Variants in CILK1 observed in about 807,000 individuals in gnomAD.
CILK1 encodes the protein ciliogenesis associated kinase 1, also known as serine/threonine-protein kinase ICK.
A neutral mutation model predicts 79.2 loss-of-function variants in CILK1; 47 were observed. That is an observed-to-expected ratio of 0.59 (90% CI 0.47 to 0.76). The LOEUF is 0.76. CILK1 is among the 30% of genes least tolerant of loss of function. CILK1 has a pLI of 0.00. For synonymous variants in CILK1, 266 were observed against 275.9 expected (o/e 0.96, Z 0.36); for missense variants, 660 against 769.5 (o/e 0.86, Z 1.68).
At chr6:53,039,100 C>T (rs1766540517) in intron 2 of CILK1, among the ~76,000 whole-genome samples, 1 of 152,238 alleles carries the variant, frequency 6.6e-6, no homozygotes, top group South Asian at 2.1e-4. Context: ...GTAGAGTGAT[C>T]AAATCCTTTA....
chr6:53,033,991 G>C (rs1766143206), intron 3 of CILK1, among the ~76,000 whole-genome samples: 1 of 152,230 alleles, frequency 6.6e-6, no homozygotes, highest in Non-Finnish European at 1.5e-5. Context: ...CAAAGGGGCT[G>C]ATTACTTCTT....
chr6:53,045,830 C>CA (rs200914621), intron 1 of CILK1, among the ~76,000 whole-genome samples: 7,615 of 119,876 alleles, frequency 0.064, 314 homozygotes, highest in East Asian at 0.21. Flanking sequence ...CTTGATTTGT[C>CA]AAAAAAAAAA....
At position 53,039,322 on chromosome 6, in the gene CILK1, A is replaced by G. The variant is rs75854121; in HGVS notation, c.102-1329T>C. On this transcript the variant is annotated intron_variant, in intron 2 of 13. Transcript: ENST00000676107. ...GAGCAGTGGCTCAGCCAAATGATGC[A>G]GCAATTTGTAGGTCACATAAACATT... Among the ~76,000 whole-genome samples the G allele has an allele frequency of 6.1e-3, 922 of 152,366 alleles. 9 individuals carry two copies. The highest frequency in any genetic ancestry group is 0.021 in the African/African-American group (880 of 41,592).
chr6:53,039,008 G>A (rs1208383657), intron 2 of CILK1, among the ~76,000 whole-genome samples: 1 of 152,192 alleles, frequency 6.6e-6, no homozygotes, highest in Non-Finnish European at 1.5e-5. Flanking sequence ...GAAGGTACAC[G>A]ACTTTCCCGA....
chr6:53,027,091 T>G (rs545774770), intron 5 of CILK1, among the ~76,000 whole-genome samples: 22 of 152,336 alleles, frequency 1.4e-4, no homozygotes, highest in African/African-American at 5.1e-4. Flanking sequence ...CTGTGGAAAC[T>G]TTAATTTCCC....
At position 53,005,307 on chromosome 6, in the gene CILK1, C is replaced by T. The variant is rs1317835800; in HGVS notation, c.1745-4G>A. The T allele has an allele frequency of 1.2e-6, 2 of 1,613,852 alleles. No individual in the cohort carries two copies. The highest frequency in any genetic ancestry group is 1.7e-6 in the Non-Finnish European group (2 of 1,179,964). On this transcript the variant is annotated splice_polypyrimidine_tract_variant and splice_region_variant and intron_variant, in intron 13 of 13. Coordinates refer to ENST00000676107, the MANE Select transcript of CILK1 (RefSeq NM_014920.5). ...ATGGCCTTCAGGGAGGAATAACCTGCAATGAAAGAAAAAGGCCGGCATGAC... is the reference window on the plus strand; with the variant it reads ...ATGGCCTTCAGGGAGGAATAACCTGTAATGAAAGAAAAAGGCCGGCATGAC...
chr6:53,002,493 A>G lies in CILK1; in HGVS notation c.*2656T>C, dbSNP rs1000134439. On this transcript the variant is annotated 3_prime_UTR_variant, in exon 14 of 14. Transcript: ENST00000676107. ...AAGTAGCATTTTGTTTTCATGTAAC[A>G]AGAAATGGCTGCAGGTTCTCAGTCA... The G allele has an allele frequency of 2.0e-5, 3 of 152,266 alleles. No individual in the cohort carries two copies. Among genetic ancestry groups the G allele is most frequent in the African/African-American group, 7.2e-5 (3 of 41,474 alleles). 9.4% of individuals were successfully genotyped at this position (152,266 alleles called of 1,614,324 possible).
chr6:53,023,539 C>T (rs959787886), intron 5 of CILK1, among the ~76,000 whole-genome samples: 2 of 152,128 alleles, frequency 1.3e-5, no homozygotes, highest in African/African-American at 4.8e-5. Flanking sequence ...ACAATGAGGG[C>T]TCAGAGCTGG....
chr6:53,028,008 G>A (rs1765686564), intron 5 of CILK1, among the ~76,000 whole-genome samples: 2 of 152,198 alleles, frequency 1.3e-5, no homozygotes, highest in African/African-American at 4.8e-5. Flanking sequence ...TTAGCCGGGT[G>A]TGGTGGCATG....
chr6:53,009,572 T>G lies in CILK1; in HGVS notation c.1493-5A>C. On this transcript the variant is annotated splice_region_variant and splice_polypyrimidine_tract_variant and intron_variant, in intron 11 of 13. Transcript: ENST00000676107. Reference sequence around the variant, plus strand: ...TGCCATTTCTTATACTGATCCCTGATAGAGAAGAAATGATTTTAAAATGCA... The same window carrying G: ...TGCCATTTCTTATACTGATCCCTGAGAGAGAAGAAATGATTTTAAAATGCA... The G allele has an allele frequency of 6.2e-7, 1 of 1,603,690 alleles. No individual in the cohort carries two copies.
At chr6:53,026,432 A>G (rs1765583428) in intron 5 of CILK1, among the ~76,000 whole-genome samples, 1 of 152,218 alleles carries the variant, frequency 6.6e-6, no homozygotes, top group Non-Finnish European at 1.5e-5. Context: ...TACAGGCATG[A>G]GCCACTGCGC....
At chr6:53,008,486 C>T (rs903493851) in intron 12 of CILK1, among the ~76,000 whole-genome samples, 2 of 150,894 alleles carry the variant, frequency 1.3e-5, no homozygotes, top group African/African-American at 2.4e-5. Context: ...AGTGCAGTGG[C>T]GCAATCTTGG....
intron 1 of CILK1, among the ~76,000 whole-genome samples, chr6:53,050,874 T>C (rs1468284404): frequency 6.6e-6 from 1 of 152,218 alleles, no homozygotes; most frequent in East Asian, 1.9e-4. Flanking sequence ...ATATGCATTT[T>C]TGATATACAG....
At chr6:53,014,544 T>C (rs549861020) in intron 8 of CILK1, among the ~76,000 whole-genome samples, 1 of 152,256 alleles carries the variant, frequency 6.6e-6, no homozygotes, top group Non-Finnish European at 1.5e-5. Context: ...AGCCAAGAGA[T>C]AACTTAAAGT....
intron 5 of CILK1, among the ~76,000 whole-genome samples, chr6:53,021,850 G>T (rs1765265069): frequency 6.6e-6 from 1 of 151,896 alleles, no homozygotes; most frequent in South Asian, 2.1e-4. Flanking sequence ...CCTTCAGGAG[G>T]TACCTAGAAG....
rs556025830 is a variant in CILK1, at chr6:53,041,440, G to T, written c.-172-32C>A. 166 of 554,402 alleles carry T rather than the reference G, an allele frequency of 3.0e-4. 2 individuals carry two copies. The highest frequency in any genetic ancestry group is 2.8e-3 in the African/African-American group (149 of 52,968). The allele number at this position is 554,402 out of a possible 1,614,324, so 34.3% of individuals were successfully genotyped here. A position where few individuals can be genotyped will look rare whatever the true frequency, so the allele number is the denominator to read the frequency against. On this transcript the variant is annotated intron_variant, in intron 1 of 13. Transcript: ENST00000676107. ...AGAAAAATGAGAGACAAGGATAAAT[G>T]TTAATATACATTTTGAGTATACGTG...
intron 5 of CILK1, among the ~76,000 whole-genome samples, chr6:53,026,199 C>T (rs1765563370): frequency 1.3e-5 from 2 of 152,194 alleles, no homozygotes; most frequent in African/African-American, 4.8e-5. Flanking sequence ...GAGTCTCACT[C>T]TGTCACCCAG....
In CILK1 at chr6:53,040,357, G is replaced by A. The variant is rs149544670; in HGVS notation, c.101+779C>T. Among the ~76,000 whole-genome samples the A allele has an allele frequency of 2.6e-3, 403 of 152,312 alleles. 2 individuals are homozygous for A. The highest frequency in any genetic ancestry group is 8.9e-3 in the African/African-American group (369 of 41,566). On this transcript the variant is annotated intron_variant, in intron 2 of 13. Coordinates refer to ENST00000676107, the MANE Select transcript of CILK1 (RefSeq NM_014920.5). ...CTCTCATTGCCTTCTTGACTCCCAAGTTTTGATGAAGCAAATTGCCATGTT... is the reference window on the plus strand; with the variant it reads ...CTCTCATTGCCTTCTTGACTCCCAAATTTTGATGAAGCAAATTGCCATGTT...
In CILK1 at chr6:53,009,560, A is replaced by C; in HGVS notation, c.1500T>G (p.Ser500Arg). 1 of 1,606,408 alleles carries C rather than the reference A, an allele frequency of 6.2e-7. No individual in the cohort carries two copies. Among genetic ancestry groups the C allele is most frequent in the Non-Finnish European group, 8.5e-7 (1 of 1,172,958 alleles). ...GATTCGAGAGTATGCCATTTCTTAT[A>C]CTGATCCCTGATAGAGAAGAAATGA... ...LKHSRYLPGI[S>R]IRNGILSNPG... The change falls in exon 12 of 14, where the codon AGT becomes AGG. Residue 500 changes from serine (S) to arginine (R), a missense_variant. Transcript: ENST00000676107.
Sources: gnomAD v4.1 joint callset for allele counts (sites outside exome capture counted in the v4.1 genomes callset) on GRCh38, gnomAD v4.1.1 for gene constraint, MANE v1.5 for transcripts, NCBI Gene and HGNC (gene_info 2026-07-23, HGNC 2026-07-21) for gene names.